PRKN: variants seen among roughly 807,000 people sequenced by gnomAD.
The protein encoded by PRKN is parkin RBR E3 ubiquitin protein ligase.
PRKN carries 56 observed loss-of-function variants against 59.5 expected under a neutral mutation model. The observed-to-expected ratio is 0.94, with a 90% CI of 0.76 to 1.18. The LOEUF is 1.18. Among genes scored for constraint, PRKN ranks in the 50% most tolerant of loss-of-function variants. PRKN has a pLI of 0.00. For synonymous variants in PRKN, 250 were observed against 222.1 expected, an observed-to-expected ratio of 1.13 and a Z score of -1.12; for missense variants, 657 against 596.4, an observed-to-expected ratio of 1.10 and a Z score of -1.06.
At chr6:161,703,819 ATCTCTCTC>A (rs1281347014) in intron 7 of PRKN, among the ~76,000 whole-genome samples, 5 of 136,314 alleles carry the variant, frequency 3.7e-5, no homozygotes, top group South Asian at 2.3e-4. Context: ...GAGGACACAC[ATCTCTCTC>A]TCTCTCTCTC....
chr6:162,370,567 A>C (rs1785710790), intron 2 of PRKN, among the ~76,000 whole-genome samples: 2 of 152,160 alleles, frequency 1.3e-5, no homozygotes, highest in Admixed American at 1.3e-4. Context: ...GAGGGGTGGG[A>C]GAGAAAGAAA....
At chr6:162,319,058 T>C (rs1782871121) in intron 2 of PRKN, among the ~76,000 whole-genome samples, 2 of 152,028 alleles carry the variant, frequency 1.3e-5, no homozygotes, top group African/African-American at 4.8e-5. Context: ...GTTTTATTCT[T>C]TACACAGTCT....
chr6:162,259,349 C>T (rs142166007), intron 3 of PRKN, among the ~76,000 whole-genome samples: 3 of 152,180 alleles, frequency 2.0e-5, no homozygotes, highest in African/African-American at 4.8e-5. Flanking sequence ...AGCCATAGGG[C>T]AGAGTTTCTC....
intron 10 of PRKN, among the ~76,000 whole-genome samples, chr6:161,366,360 C>T (rs1562397702): frequency 6.6e-6 from 1 of 152,054 alleles, no homozygotes; most frequent in Non-Finnish European, 1.5e-5. Flanking sequence ...CCGAGGCACA[C>T]GTGAGCCAAG....
intron 5 of PRKN, among the ~76,000 whole-genome samples, chr6:161,976,492 A>G (rs1781038757): frequency 1.3e-5 from 2 of 152,216 alleles, no homozygotes; most frequent in South Asian, 4.1e-4. Context: ...CCACAGCAGC[A>G]TGGAAATCAT....
In PRKN at chr6:162,340,882, C is replaced by T. The variant is rs550338289; in HGVS notation, c.172-78117G>A. Among the ~76,000 whole-genome samples the T allele has an allele frequency of 2.6e-5, 4 of 152,228 alleles. No homozygotes were observed. The South Asian group carries it at 8.3e-4, about 32-fold the overall frequency. ...CGGCAAAGACGTCATGACTAAAACA[C>T]CAAAAGAAATGGCAACAAAAGCCAA... On this transcript the variant is annotated intron_variant, in intron 2 of 11. Transcript: ENST00000366898.
At chr6:162,319,866 A>G (rs944759389) in intron 2 of PRKN, among the ~76,000 whole-genome samples, 1 of 151,964 alleles carries the variant, frequency 6.6e-6, no homozygotes, top group Non-Finnish European at 1.5e-5. Flanking sequence ...TAAACACTCA[A>G]CATTAGGTAG....
At chr6:162,398,399 T>TTTGG (rs1787589404) in intron 2 of PRKN, among the ~76,000 whole-genome samples, 1 of 30,910 alleles carries the variant, frequency 3.2e-5, no homozygotes, top group African/African-American at 4.8e-4. Flanking sequence ...CTTTTTGTTT[T>TTTGG]TTTTTTTTGA....
chr6:162,312,939 A>C (rs556868044), intron 2 of PRKN, among the ~76,000 whole-genome samples: 3 of 152,300 alleles, frequency 2.0e-5, no homozygotes, highest in South Asian at 4.1e-4. Flanking sequence ...ACTAGATGCC[A>C]GAAGAAAATA....
chr6:162,439,681 C>T (rs187392318), intron 2 of PRKN, among the ~76,000 whole-genome samples: 2 of 134,300 alleles, frequency 1.5e-5, no homozygotes, highest in Non-Finnish European at 3.1e-5. Context: ...CTAACTCCCC[C>T]TCTTCCTCTT....
intron 7 of PRKN, among the ~76,000 whole-genome samples, chr6:161,687,141 C>G (rs1025106549): frequency 6.6e-6 from 1 of 151,918 alleles, no homozygotes; most frequent in Non-Finnish European, 1.5e-5. Context: ...AATCCCAGCA[C>G]TTTGGGAGGC....
At chr6:162,243,330 A>G (rs775348235) in intron 3 of PRKN, among the ~76,000 whole-genome samples, 1 of 152,156 alleles carries the variant, frequency 6.6e-6, no homozygotes, top group Non-Finnish European at 1.5e-5. Context: ...GAAGCCATCA[A>G]ATTACATTCA....
chr6:162,083,126 G>T (rs1019260098), intron 4 of PRKN, among the ~76,000 whole-genome samples: 1 of 151,826 alleles, frequency 6.6e-6, no homozygotes, highest in Non-Finnish European at 1.5e-5. Flanking sequence ...ACCCAGTTTT[G>T]GGACTTTTAA....
At chr6:161,926,274 C>T (rs530157389) in intron 6 of PRKN, among the ~76,000 whole-genome samples, 5 of 152,080 alleles carry the variant, frequency 3.3e-5, no homozygotes, top group South Asian at 2.1e-4. Flanking sequence ...TACCTAAATA[C>T]GCAGGTCAAG....
Position 161,503,831 on chromosome 6 carries a change from C to T in PRKN, c.1083+45023G>A, listed in dbSNP as rs1194518694. Among the ~76,000 whole-genome samples the T allele has an allele frequency of 1.3e-5, 2 of 152,292 alleles. No individual in the cohort carries two copies. The highest frequency in any genetic ancestry group is 1.9e-4 in the East Asian group (1 of 5,176). On this transcript the variant is annotated intron_variant, in intron 9 of 11. Coordinates refer to ENST00000366898, the MANE Select transcript of PRKN (RefSeq NM_004562.3). This position sits in a 1 kb window ranked among gnomAD's most constrained non-coding sequence, Gnocchi z 5.1. Reference sequence around the variant, plus strand: ...CCACTGTGAGGAAAAGCCTGCTTCCCCCAGGAATCCACAGGCTTCTATTCT... The same window carrying T: ...CCACTGTGAGGAAAAGCCTGCTTCCTCCAGGAATCCACAGGCTTCTATTCT...
At chr6:161,880,014 G>T (rs1024671759) in intron 6 of PRKN, among the ~76,000 whole-genome samples, 2 of 152,140 alleles carry the variant, frequency 1.3e-5, no homozygotes, top group Non-Finnish European at 2.9e-5. Context: ...CAGCAAAGAA[G>T]CTTGGAGTCT....
In PRKN at chr6:162,304,881, C is replaced by A. The variant is rs186950544; in HGVS notation, c.172-42116G>T. ...GTTTAACTCAAGTGAAAATGGAAATCCAGGTTTTTAGATGTAATCAAACAG... is the reference window on the plus strand; with the variant it reads ...GTTTAACTCAAGTGAAAATGGAAATACAGGTTTTTAGATGTAATCAAACAG... On this transcript the variant is annotated intron_variant, in intron 2 of 11. Coordinates refer to ENST00000366898, the MANE Select transcript of PRKN (RefSeq NM_004562.3). Among the ~76,000 whole-genome samples, 91 of 138,940 alleles carry A rather than the reference C, an allele frequency of 6.5e-4. 1 individual carries two copies. The East Asian group carries it at 0.015, about 22-fold the overall frequency. 91.2% of individuals were successfully genotyped at this position (138,940 alleles called of 152,430 possible). A position where few individuals can be genotyped will look rare whatever the true frequency, so the allele number is the denominator to read the frequency against.
intron 4 of PRKN, among the ~76,000 whole-genome samples, chr6:162,147,138 C>G (rs1208986299): frequency 2.0e-5 from 3 of 150,624 alleles, no homozygotes; most frequent in Non-Finnish European, 4.4e-5. Context: ...GCCAGGAGTT[C>G]AAGACAAGGC....
At chr6:162,594,305 G>A (rs1322645281) in intron 1 of PRKN, among the ~76,000 whole-genome samples, 8 of 152,134 alleles carry the variant, frequency 5.3e-5, no homozygotes, top group African/African-American at 4.8e-5. Context: ...TTACAAAAAT[G>A]TAGTTTAGAT....
Sources: allele counts gnomAD v4.1 joint callset (sites outside exome capture counted in the v4.1 genomes callset), GRCh38; gene constraint gnomAD v4.1.1; non-coding constraint Gnocchi (gnomAD v3.1); transcripts MANE v1.5; gene names NCBI Gene and HGNC (gene_info 2026-07-23, HGNC 2026-07-21).